The following EPHA5 variants were observed in gnomAD, a reference collection of about 807,000 sequenced individuals.
The protein encoded by EPHA5 is EPH receptor A5.
Under a neutral mutation model 105.0 loss-of-function variants are expected in EPHA5, and 60 were observed. The observed-to-expected ratio is 0.57, with a 90% CI of 0.46 to 0.71. The LOEUF (loss-of-function observed/expected upper bound fraction) is 0.71. Among genes scored for constraint, EPHA5 ranks in the 30% least tolerant of loss-of-function variants. The pLI, the probability that EPHA5 is intolerant of heterozygous loss-of-function variation, is 0.00. For synonymous variants in EPHA5, 513 were observed against 449.1 expected (o/e 1.14, Z -1.80); for missense variants, 1,218 against 1,274.7 (o/e 0.96, Z 0.68).
At chr4:65,481,343 T>C (rs1280041649) in intron 5 of EPHA5, among the ~76,000 whole-genome samples, 2 of 152,190 alleles carry the variant, frequency 1.3e-5, no homozygotes, top group African/African-American at 2.4e-5. Context: ...TTTTGCCTTT[T>C]GAGAAAATGA....
In EPHA5 at chr4:65,601,864, G is replaced by A. The variant is rs1218345956; in HGVS notation, c.687C>T (p.Tyr229=). The A allele has an allele frequency of 3.1e-6, 5 of 1,614,094 alleles. No individual in the cohort carries two copies. The highest frequency in any genetic ancestry group is 1.1e-5 in the South Asian group (1 of 91,088). Residue 229 remains tyrosine (Y), a synonymous_variant, in exon 3 of 17, where the codon TAC becomes TAT. Coordinates refer to ENST00000613740, the MANE Select transcript of EPHA5 (RefSeq NM_001281766.3). ...GTACCACAGAAGGGCATTTTTTATA[G>A]TATACACGCACAGAAACCAGAGCAA... ...ACIALVSVRV[Y]YKKCPSVVRH... is the part of the protein sequence containing the mutation.
intron 5 of EPHA5, among the ~76,000 whole-genome samples, chr4:65,488,620 T>G (rs1731105527): frequency 1.3e-5 from 2 of 152,324 alleles, no homozygotes; most frequent in African/African-American, 4.8e-5. Flanking sequence ...CTTTAGCACT[T>G]CTATTAGTTT....
intron 3 of EPHA5, among the ~76,000 whole-genome samples, chr4:65,495,758 A>G (rs1731870958): frequency 6.6e-6 from 1 of 152,202 alleles, no homozygotes; most frequent in South Asian, 2.1e-4. Flanking sequence ...CATTTATGGA[A>G]TGTACATACT....
intron 5 of EPHA5, among the ~76,000 whole-genome samples, chr4:65,462,630 A>T (rs1728236932): frequency 6.6e-6 from 1 of 152,166 alleles, no homozygotes; most frequent in Non-Finnish European, 1.5e-5. Context: ...ATGCTCTCTC[A>T]TCTTCCAGGA....
chr4:65,585,352 T>C (rs560153754), intron 3 of EPHA5, among the ~76,000 whole-genome samples: 1 of 150,902 alleles, frequency 6.6e-6, no homozygotes, highest in South Asian at 2.1e-4. Flanking sequence ...TAGTAAGAAT[T>C]GGAGAAAACA....
rs1235345244 is a variant in EPHA5, at chr4:65,616,454, C to CAGAG, written c.247-14154_247-14151dup. On this transcript the variant is annotated intron_variant, in intron 2 of 16. Coordinates refer to ENST00000613740, the MANE Select transcript of EPHA5 (RefSeq NM_001281766.3). ...ACACACACACACACACACACACACA[C>CAGAG]AGAGAGAGAGAGAGAGAGAAGAGCA... is the stretch of plus-strand genomic sequence containing the variant. Among the ~76,000 whole-genome samples, 540 of 147,934 alleles carry CAGAG rather than the reference C, an allele frequency of 3.7e-3. 5 individuals are homozygous for CAGAG. The highest frequency in any genetic ancestry group is 0.013 in the African/African-American group (515 of 40,276).
chr4:65,342,999 C>A (rs2349723), intron 14 of EPHA5, among the ~76,000 whole-genome samples: 86,468 of 151,792 alleles, frequency 0.57, 25,125 homozygotes, highest in East Asian at 0.77. Context: ...AGGCAAAAAT[C>A]CTTCCAATAT....
At chr4:65,478,293 C>A (rs886633266) in intron 5 of EPHA5, among the ~76,000 whole-genome samples, 5 of 152,164 alleles carry the variant, frequency 3.3e-5, no homozygotes, top group Non-Finnish European at 7.4e-5. Context: ...ACAAAACATT[C>A]ATCTCATATC....
rs200224054 is a variant in EPHA5 at position 65,559,338 on chromosome 4, TA to T, written c.910+42302del. ...CATAAATTTGACGATCATTTCAAAG[TA>T]AACACATAAGGATTTGAATGAAAGC... On this transcript the variant is annotated intron_variant, in intron 3 of 16. Transcript: ENST00000613740. Among the ~76,000 whole-genome samples, 138 of 152,286 alleles carry T rather than the reference TA, an allele frequency of 9.1e-4. 2 individuals are homozygous for T. In the East Asian group the frequency reaches 0.024, roughly 26 times the overall value.
intron 14 of EPHA5, among the ~76,000 whole-genome samples, chr4:65,337,290 C>G (rs74487667): frequency 0.096 from 14,577 of 151,994 alleles, 794 homozygotes; most frequent in Non-Finnish European, 0.11. Context: ...ATATTAACCC[C>G]GCAGTGCTGC....
rs566169010 is a variant in EPHA5 at position 65,393,255 on chromosome 4, T to C, written c.1793+11119A>G. 1.6e-4 allele frequency among the ~76,000 whole-genome samples: 25 copies of C among 152,316 alleles called. No homozygotes were observed. The South Asian group carries it at 2.9e-3, about 18-fold the overall frequency. ...AAACTGACCCTATTTTCAGTTTCAGTTGTGAGTTCCTATGGTGTTGGTCAC... is the reference window on the plus strand; with the variant it reads ...AAACTGACCCTATTTTCAGTTTCAGCTGTGAGTTCCTATGGTGTTGGTCAC... On this transcript the variant is annotated intron_variant, in intron 8 of 16. Coordinates refer to ENST00000613740, the MANE Select transcript of EPHA5 (RefSeq NM_001281766.3).
chr4:65,325,559 A>G (rs1719998500), intron 16 of EPHA5, among the ~76,000 whole-genome samples: 1 of 151,314 alleles, frequency 6.6e-6, no homozygotes, highest in African/African-American at 2.4e-5. Flanking sequence ...ACTACAACTA[A>G]AAGGCACCAG....
At chr4:65,370,416 G>A (rs1390918166) in intron 8 of EPHA5, among the ~76,000 whole-genome samples, 3 of 151,986 alleles carry the variant, frequency 2.0e-5, no homozygotes, top group African/African-American at 7.2e-5. Flanking sequence ...ATTATCCAGA[G>A]ATTTATGTTA....
At chr4:65,484,830 A>G (rs985474869) in intron 5 of EPHA5, among the ~76,000 whole-genome samples, 18 of 151,902 alleles carry the variant, frequency 1.2e-4, no homozygotes, top group African/African-American at 4.4e-4. Flanking sequence ...AAAAAGATAA[A>G]GAAATTTCAG....
intron 2 of EPHA5, among the ~76,000 whole-genome samples, chr4:65,616,662 G>A (rs995462972): frequency 4.0e-5 from 6 of 151,872 alleles, no homozygotes; most frequent in Non-Finnish European, 7.4e-5. Flanking sequence ...CAGTCATTCC[G>A]AGGCAGACTA....
At chr4:65,611,982 A>C (rs1489832998) in intron 2 of EPHA5, among the ~76,000 whole-genome samples, 1 of 135,296 alleles carries the variant, frequency 7.4e-6, no homozygotes, top group Non-Finnish European at 1.5e-5. Flanking sequence ...AGGCCACTGC[A>C]CTCCAGCCTG....
intron 3 of EPHA5, among the ~76,000 whole-genome samples, chr4:65,530,648 G>A (rs1170695316): frequency 6.6e-6 from 1 of 152,122 alleles, no homozygotes; most frequent in Non-Finnish European, 1.5e-5. Context: ...GGGGTGTAAG[G>A]CAATTTCTGA....
intron 12 of EPHA5, 110 bp from the exon 13 acceptor site, chr4:65,351,708 T>A (rs1346761376): frequency 5.5e-6 from 5 of 903,032 alleles, no homozygotes; most frequent in Non-Finnish European, 8.5e-6. Flanking sequence ...CTAAAATTCA[T>A]ATGCAATTTC....
intron 3 of EPHA5, among the ~76,000 whole-genome samples, chr4:65,582,138 A>G (rs1014699376): frequency 1.3e-5 from 2 of 151,674 alleles, no homozygotes; most frequent in Non-Finnish European, 3.0e-5. Flanking sequence ...GGAACTCCTC[A>G]GTGTGTTCTG....
Sources: allele counts gnomAD v4.1 joint callset (sites outside exome capture counted in the v4.1 genomes callset), GRCh38; gene constraint gnomAD v4.1.1; transcripts MANE v1.5; gene names NCBI Gene and HGNC (gene_info 2026-07-23, HGNC 2026-07-21).